The following EFNA4 variants were observed in gnomAD, a reference collection of about 807,000 sequenced individuals.
The protein encoded by EFNA4 is ephrin-A4.
In EFNA4, 22 loss-of-function variants were observed where a neutral mutation model predicts 23.7. That is an observed-to-expected ratio of 0.93 (90% CI 0.66 to 1.32). EFNA4 has a LOEUF of 1.32. Ranked by LOEUF, EFNA4 falls within the 40% of genes most tolerant of loss-of-function variation. The pLI, the probability that EFNA4 is intolerant of heterozygous loss-of-function variation, is 0.00. For synonymous variants in EFNA4, 113 were observed against 108.3 expected (o/e 1.04, Z -0.27); for missense variants, 252 against 252.3 (o/e 1.00, Z 0.01).
At position 155,068,959 on chromosome 1, in the gene EFNA4, T is replaced by C. The variant is rs202221214; in HGVS notation, c.576T>C (p.Leu192=). Reference sequence around the variant, plus strand: ...TCTGTCTCTTGCTATTACTGCTGCTTCTGATTCTTCGTCTTCTGCGAATTC... The same window carrying C: ...TCTGTCTCTTGCTATTACTGCTGCTCCTGATTCTTCGTCTTCTGCGAATTC... ...SPLCLLLLLL[L]LILRLLRIL Residue 192 remains leucine, a synonymous_variant, in exon 4 of 4, where the codon CTT becomes CTC. Transcript: ENST00000368409. The C allele has an allele frequency of 1.9e-6, 3 of 1,614,062 alleles. No individual in the cohort carries two copies. The highest frequency in any genetic ancestry group is 2.5e-6 in the Non-Finnish European group (3 of 1,179,984).
At chr1:155,066,127 C>T (rs890703868) in intron 1 of EFNA4, among the ~76,000 whole-genome samples, 6 of 152,170 alleles carry the variant, frequency 3.9e-5, no homozygotes, top group African/African-American at 1.4e-4. Flanking sequence ...CCTCGGCCTC[C>T]CAAAGTGCTG....
At chr1:155,065,062 A>G (rs375375523) in intron 1 of EFNA4, among the ~76,000 whole-genome samples, 1 of 152,148 alleles carries the variant, frequency 6.6e-6, no homozygotes, top group Non-Finnish European at 1.5e-5. Flanking sequence ...TCACCCCCCA[A>G]TCTTAAGGTT....
At chr1:155,064,248 A>G (rs1403478595) in intron 1 of EFNA4, among the ~76,000 whole-genome samples, 1 of 152,198 alleles carries the variant, frequency 6.6e-6, no homozygotes, top group East Asian at 1.9e-4. Flanking sequence ...TCTCCTGGCG[A>G]TCCCCAGCCT....
chr1:155,066,728 A>C lies in EFNA4; in HGVS notation c.114-2A>C, dbSNP rs777069585. On this transcript the variant is annotated splice_acceptor_variant, in intron 1 of 3. Coordinates refer to ENST00000368409, the MANE Select transcript of EFNA4 (RefSeq NM_005227.3). LOFTEE classifies it high-confidence loss of function. ...CAGCCCACCCCTGCGTTATGCCTGC[A>C]GGTTGCTTCGAGGAGACGCCGTGGT... The C allele has an allele frequency of 6.3e-7, 1 of 1,584,562 alleles. No individual in the cohort carries two copies. The highest frequency in any genetic ancestry group is 1.2e-5 in the South Asian group (1 of 86,802).
At chr1:155,066,097 G>A (rs1003813721) in intron 1 of EFNA4, among the ~76,000 whole-genome samples, 1 of 151,966 alleles carries the variant, frequency 6.6e-6, no homozygotes, top group African/African-American at 2.4e-5. Flanking sequence ...TTGAACTCCT[G>A]GCCTCAAGCG....
intron 1 of EFNA4, among the ~76,000 whole-genome samples, chr1:155,064,491 C>G (rs1024169931): frequency 2.0e-5 from 3 of 152,192 alleles, no homozygotes; most frequent in Admixed American, 2.0e-4. Flanking sequence ...GTCTCGTGAC[C>G]TTCCTAACCT....
In EFNA4 at chr1:155,063,957, G is replaced by T. The variant is rs751273923; in HGVS notation, c.113+21G>T. ...CCCAGGTAGCCGGGCCGAACCGGGC[G>T]AGCGCACAGCCAAGTCTGCGCGCTC... On this transcript the variant is annotated intron_variant, in intron 1 of 3. Transcript: ENST00000368409. This position sits in a 1 kb window ranked among gnomAD's most constrained non-coding sequence, Gnocchi z 4.1. The T allele has an allele frequency of 2.0e-6, 3 of 1,525,784 alleles. No individual in the cohort carries two copies. Among genetic ancestry groups the T allele is most frequent in the African/African-American group, 1.4e-5 (1 of 70,362 alleles). The allele number at this position is 1,525,784 out of a possible 1,614,324, so 94.5% of individuals were successfully genotyped here.
At chr1:155,068,362 TGCAA>T (rs1255003234) in intron 3 of EFNA4, among the ~76,000 whole-genome samples, 16 of 141,016 alleles carry the variant, frequency 1.1e-4, no homozygotes, top group African/African-American at 4.2e-4. Context: ...CCCTCCTGGG[TGCAA>T]GCAATTCTCC....
rs764545146 is a variant in EFNA4, at chr1:155,063,931, C to T, written c.108C>T (p.Asn36=). The part of the protein sequence containing the change: ...LRHVVYWNSS[N]PRLLRGDAVV... ...ACGTAGTCTACTGGAACTCCAGTAACCCCAGGTAGCCGGGCCGAACCGGGC... is the reference window on the plus strand; with the variant it reads ...ACGTAGTCTACTGGAACTCCAGTAATCCCAGGTAGCCGGGCCGAACCGGGC... Residue 36 remains asparagine (N), a synonymous_variant, in exon 1 of 4, where the codon AAC becomes AAT. Transcript: ENST00000368409. The surrounding 1 kb of genome is among the most constrained non-coding windows in gnomAD (Gnocchi z 4.1). 7 of 1,555,586 alleles carry T rather than the reference C, an allele frequency of 4.5e-6. No individual in the cohort carries two copies. The highest frequency in any genetic ancestry group is 5.2e-6 in the Non-Finnish European group (6 of 1,152,696).
rs1553267674 is a variant in EFNA4, at chr1:155,068,461, T to TTTTTC, written c.470-392_470-391insTTTTC. 1.5e-4 allele frequency among the ~76,000 whole-genome samples: 20 copies of TTTTTC among 135,530 alleles called. 3 individuals carry two copies. The highest frequency in any genetic ancestry group is 2.6e-4 in the Non-Finnish European group (17 of 64,530). The allele number at this position is 135,530 out of a possible 152,430, so 88.9% of individuals were successfully genotyped here. On this transcript the variant is annotated intron_variant, in intron 3 of 3. Transcript: ENST00000368409. ...TTTTTTTTTTTTTTTTTTTTTTTTT[T>TTTTTC]AGTAGAGACAGGGTTTCACCGTGTT...
Position 155,068,182 on chromosome 1 carries a change from C to CTGAG in EFNA4, c.470-671_470-670insTGAG, listed in dbSNP as rs1477949589. 7.9e-5 allele frequency among the ~76,000 whole-genome samples: 12 copies of CTGAG among 152,040 alleles called. No individual in the cohort carries two copies. The East Asian group carries it at 2.3e-3, about 29-fold the overall frequency. ...GCCCAGGCTGGTCTTGAACTCCTGA[C>CTGAG]CTCAAGAGATCCTCCTGCCTCCCAA... On this transcript the variant is annotated intron_variant, in intron 3 of 3. Coordinates refer to ENST00000368409, the MANE Select transcript of EFNA4 (RefSeq NM_005227.3).
intron 1 of EFNA4, among the ~76,000 whole-genome samples, chr1:155,065,329 C>T (rs1662987110): frequency 6.6e-6 from 1 of 152,088 alleles, no homozygotes; most frequent in African/African-American, 2.4e-5. Flanking sequence ...GGGGGTGGTT[C>T]ATGCAGCATT....
intron 3 of EFNA4, among the ~76,000 whole-genome samples, chr1:155,068,481 C>T (rs1006333177): frequency 4.6e-5 from 5 of 109,772 alleles, no homozygotes; most frequent in Non-Finnish European, 8.5e-5. Context: ...AGGGTTTCAC[C>T]GTGTTGGCCA....
At position 155,063,748 on chromosome 1, in the gene EFNA4, A is replaced by C; in HGVS notation, c.-76A>C. 2 of 1,327,260 alleles carry C rather than the reference A, an allele frequency of 1.5e-6. No individual in the cohort carries two copies. The highest frequency in any genetic ancestry group is 2.0e-6 in the Non-Finnish European group (2 of 999,210). The allele number at this position is 1,327,260 out of a possible 1,614,324, so 82.2% of individuals were successfully genotyped here. A position where few individuals can be genotyped will look rare whatever the true frequency, so the allele number is the denominator to read the frequency against. On this transcript the variant is annotated 5_prime_UTR_variant, in exon 1 of 4. Coordinates refer to ENST00000368409, the MANE Select transcript of EFNA4 (RefSeq NM_005227.3). This position sits in a 1 kb window ranked among gnomAD's most constrained non-coding sequence, Gnocchi z 4.1. ...TCCCCTTTCCGCAACTTCCCTCTTC[A>C]CTTTGTACCTTTCTCTCCTCGACTG...
chr1:155,064,855 C>G (rs1055171655), intron 1 of EFNA4, among the ~76,000 whole-genome samples: 2 of 152,180 alleles, frequency 1.3e-5, no homozygotes, highest in African/African-American at 4.8e-5. Context: ...ATGAGAAGAT[C>G]AAGACCCTGC....
At chr1:155,064,295 C>A (rs912795884) in intron 1 of EFNA4, among the ~76,000 whole-genome samples, 1 of 152,228 alleles carries the variant, frequency 6.6e-6, no homozygotes, top group Admixed American at 6.5e-5. Context: ...AACTTGAGAG[C>A]GAGGGAGGGG....
chr1:155,066,648 T>G, intron 1 of EFNA4, 82 bp from the exon 2 acceptor site: 2 of 1,487,118 alleles, frequency 1.3e-6, no homozygotes, highest in Non-Finnish European at 1.8e-6. Context: ...GGCAGGGGCC[T>G]CTGAGAAGGG....
rs1251156798 is a variant in EFNA4 at position 155,068,852 on chromosome 1, G to A, written c.470-1G>A. ...TCAGTGCTACCCCCTCCCCCTCACA[G>A]AGTCTGAGTCAGCCCATCCTGTTGG... On this transcript the variant is annotated splice_acceptor_variant, in intron 3 of 3. Coordinates refer to ENST00000368409, the MANE Select transcript of EFNA4 (RefSeq NM_005227.3). LOFTEE classifies it high-confidence loss of function. 1.9e-6 allele frequency: 3 copies of A among 1,611,050 alleles called. No individual in the cohort carries two copies. Among genetic ancestry groups the A allele is most frequent in the Non-Finnish European group, 2.5e-6 (3 of 1,178,336 alleles).
intron 3 of EFNA4, among the ~76,000 whole-genome samples, chr1:155,067,653 G>A (rs1194224858): frequency 3.3e-5 from 5 of 152,264 alleles, no homozygotes; most frequent in Middle Eastern, 3.4e-3. Context: ...ACGGAGTCTC[G>A]CTCTGTTGCC....
Sources: allele counts gnomAD v4.1 joint callset (sites outside exome capture counted in the v4.1 genomes callset), GRCh38; gene constraint gnomAD v4.1.1; non-coding constraint Gnocchi (gnomAD v3.1); transcripts MANE v1.5; gene names NCBI Gene and HGNC (gene_info 2026-07-23, HGNC 2026-07-21).